CAMTA1: variants seen among roughly 807,000 people sequenced by gnomAD.
CAMTA1 encodes calmodulin binding transcription activator 1.
In CAMTA1, 27 loss-of-function variants were observed where a neutral mutation model predicts 170.9. The ratio of observed to expected loss-of-function variants is 0.16; its 90% confidence interval spans 0.12 to 0.22. CAMTA1 has a LOEUF of 0.22. Among genes scored for constraint, CAMTA1 ranks in the 10% least tolerant of loss-of-function variants. The pLI is 1.00. For synonymous variants in CAMTA1, 833 were observed against 891.5 expected (o/e 0.93, Z 1.17); for missense variants, 1,619 against 2,217.2 (o/e 0.73, Z 5.42).
chr1:7,226,783 A>G (rs1039975846), intron 4 of CAMTA1, among the ~76,000 whole-genome samples: 4 of 152,174 alleles, frequency 2.6e-5, no homozygotes, highest in African/African-American at 9.7e-5. Context: ...CTACTATTCT[A>G]TCAATATCCT....
chr1:6,869,331 A>C (rs993891357), intron 3 of CAMTA1, among the ~76,000 whole-genome samples: 1 of 152,212 alleles, frequency 6.6e-6, no homozygotes, highest in Admixed American at 6.5e-5. Context: ...GAGAGAAGCT[A>C]CTCAGGCCCA....
rs1227601204 is a variant in CAMTA1 at position 7,534,404 on chromosome 1, C to T, written c.510+66503C>T. On this transcript the variant is annotated intron_variant, in intron 6 of 22. Transcript: ENST00000303635. This position sits in a 1 kb window ranked among gnomAD's most constrained non-coding sequence, Gnocchi z 5.6. ...CCACACGGGGAGAGCTTGCTGCAGA[C>T]CCGGGGAGGAGAAGCCACTGTGGAT... Among the ~76,000 whole-genome samples the T allele has an allele frequency of 6.6e-6, 1 of 152,158 alleles. No homozygotes were observed. Among genetic ancestry groups the T allele is most frequent in the African/African-American group, 2.4e-5 (1 of 41,432 alleles).
chr1:6,809,735 C>T (rs568494386), intron 1 of CAMTA1, among the ~76,000 whole-genome samples: 6 of 151,836 alleles, frequency 4.0e-5, no homozygotes, highest in African/African-American at 1.5e-4. Context: ...GGGGAGAGAA[C>T]CAGTAGAGGC....
Position 7,300,096 on chromosome 1 carries a change from T to A in CAMTA1, c.438+50470T>A, listed in dbSNP as rs971506582. Among the ~76,000 whole-genome samples, 1 of 152,208 alleles carries A rather than the reference T, an allele frequency of 6.6e-6. No homozygotes were observed. The highest frequency in any genetic ancestry group is 2.4e-5 in the African/African-American group (1 of 41,470). On this transcript the variant is annotated intron_variant, in intron 5 of 22. Transcript: ENST00000303635. The surrounding 1 kb of genome is among the most constrained non-coding windows in gnomAD (Gnocchi z 4.1). ...TAGAATCAAGCAGCTTCTGTATAAT[T>A]TGAATTTGAGATAGCATTCTTAAAA...
intron 5 of CAMTA1, among the ~76,000 whole-genome samples, chr1:7,427,091 C>CGAG (rs1292437037): frequency 6.6e-6 from 1 of 152,082 alleles, no homozygotes; most frequent in Non-Finnish European, 1.5e-5. Flanking sequence ...CAAGGACAAG[C>CGAG]GAGGCCTCCA....
At chr1:7,545,023 C>T (rs532667675) in intron 6 of CAMTA1, among the ~76,000 whole-genome samples, 6 of 152,250 alleles carry the variant, frequency 3.9e-5, no homozygotes, top group South Asian at 2.1e-4. Flanking sequence ...GCATGGGTTT[C>T]GGCAGTGACA....
At chr1:7,087,254 T>C (rs1266076838) in intron 3 of CAMTA1, among the ~76,000 whole-genome samples, 1 of 152,232 alleles carries the variant, frequency 6.6e-6, no homozygotes, top group Admixed American at 6.5e-5. Context: ...TCTCCCGCTC[T>C]GTGTGTTGCT....
intron 7 of CAMTA1, among the ~76,000 whole-genome samples, chr1:7,646,960 G>A (rs908994195): frequency 3.3e-5 from 5 of 152,242 alleles, no homozygotes; most frequent in Non-Finnish European, 5.9e-5. Context: ...TTCAGCATCT[G>A]TAAGGCAGTG....
intron 3 of CAMTA1, among the ~76,000 whole-genome samples, chr1:6,893,052 C>T (rs1674884298): frequency 6.6e-6 from 1 of 151,492 alleles, no homozygotes; most frequent in Non-Finnish European, 1.5e-5. Context: ...GAGGCCGAGG[C>T]GGGCGGATCA....
chr1:7,420,359 C>T (rs2091479450), intron 5 of CAMTA1, among the ~76,000 whole-genome samples: 1 of 152,130 alleles, frequency 6.6e-6, no homozygotes, highest in Non-Finnish European at 1.5e-5. Context: ...CATTGCTTTT[C>T]TTACCATGTA....
At chr1:7,507,242 C>T (rs989758399) in intron 6 of CAMTA1, among the ~76,000 whole-genome samples, 4 of 152,070 alleles carry the variant, frequency 2.6e-5, no homozygotes, top group South Asian at 2.1e-4. Flanking sequence ...ACAAAACTCA[C>T]GCTCACATAT....
In CAMTA1 at chr1:7,044,016, G is replaced by C. The variant is rs1025883691; in HGVS notation, c.235-47288G>C. Among the ~76,000 whole-genome samples the C allele has an allele frequency of 2.0e-5, 3 of 152,228 alleles. No homozygotes were observed. The highest frequency in any genetic ancestry group is 2.9e-5 in the Non-Finnish European group (2 of 68,040). Reference sequence around the variant, plus strand: ...GATATAGGTCTAGGGGAGGGTGACTGTATTACCTGGATCCTCCAGAGGGCC... The same window carrying C: ...GATATAGGTCTAGGGGAGGGTGACTCTATTACCTGGATCCTCCAGAGGGCC... On this transcript the variant is annotated intron_variant, in intron 3 of 22. Coordinates refer to ENST00000303635, the MANE Select transcript of CAMTA1 (RefSeq NM_015215.4). This position sits in a 1 kb window ranked among gnomAD's most constrained non-coding sequence, Gnocchi z 5.0.
At position 6,887,851 on chromosome 1, in the gene CAMTA1, C is replaced by G; in HGVS notation, c.234+62641C>G. On this transcript the variant is annotated intron_variant, in intron 3 of 22. Coordinates refer to ENST00000303635, the MANE Select transcript of CAMTA1 (RefSeq NM_015215.4). This position sits in a 1 kb window ranked among gnomAD's most constrained non-coding sequence, Gnocchi z 4.1. ...CTCAAAACCCCAAATTAATTTGAAC[C>G]GAATGTTACTAAAAATGAAATAGAA... is the stretch of plus-strand genomic sequence containing the variant. 7 of 1,440,586 alleles carry G rather than the reference C, an allele frequency of 4.9e-6. No individual in the cohort carries two copies. The highest frequency in any genetic ancestry group is 5.1e-5 in the East Asian group (2 of 39,050). The allele number at this position is 1,440,586 out of a possible 1,614,324, so 89.2% of individuals were successfully genotyped here.
chr1:7,637,723 T>C (rs1391549374), intron 6 of CAMTA1, among the ~76,000 whole-genome samples: 2 of 152,198 alleles, frequency 1.3e-5, no homozygotes, highest in African/African-American at 2.4e-5. Flanking sequence ...TGCTGGCACA[T>C]AGCTTTGGGC....
chr1:7,352,355 G>C (rs2084748844), intron 5 of CAMTA1, among the ~76,000 whole-genome samples: 1 of 152,212 alleles, frequency 6.6e-6, no homozygotes, highest in African/African-American at 2.4e-5. Context: ...GTGCAGGTGT[G>C]CCTTGGCACC....
At position 7,380,919 on chromosome 1, in the gene CAMTA1, G is replaced by C. The variant is rs1249218374; in HGVS notation, c.439-86911G>C. Among the ~76,000 whole-genome samples the C allele has an allele frequency of 6.6e-5, 10 of 152,244 alleles. 1 individual carries two copies. In the South Asian group the frequency reaches 1.2e-3, roughly 19 times the overall value. On this transcript the variant is annotated intron_variant, in intron 5 of 22. Transcript: ENST00000303635. Reference sequence around the variant, plus strand: ...GGACAATGAGAGCAGTGGCTAGTTGGAATTTATTGAGCACTCACTCTGAGC... The same window carrying C: ...GGACAATGAGAGCAGTGGCTAGTTGCAATTTATTGAGCACTCACTCTGAGC...
At chr1:7,621,577 G>A (rs2095598542) in intron 6 of CAMTA1, among the ~76,000 whole-genome samples, 1 of 152,208 alleles carries the variant, frequency 6.6e-6, no homozygotes, top group Non-Finnish European at 1.5e-5. Flanking sequence ...AAGTTAATAA[G>A]AAACTAAGAA....
chr1:7,086,600 TAATCTCC>T (rs778402488), intron 3 of CAMTA1, among the ~76,000 whole-genome samples: 9 of 152,176 alleles, frequency 5.9e-5, no homozygotes, highest in Non-Finnish European at 1.0e-4. Context: ...TGGCAACCAC[TAATCTCC>T]ATGCTGTCTC....
intron 22 of CAMTA1, among the ~76,000 whole-genome samples, chr1:7,760,545 G>C (rs1231643471): frequency 6.6e-6 from 1 of 152,196 alleles, no homozygotes; most frequent in Non-Finnish European, 1.5e-5. Context: ...TGTGGGATGT[G>C]TCATCATGGA....
Sources: gnomAD v4.1 joint callset for allele counts (sites outside exome capture counted in the v4.1 genomes callset) on GRCh38, gnomAD v4.1.1 for gene constraint, Gnocchi (gnomAD v3.1) non-coding constraint, MANE v1.5 for transcripts, NCBI Gene and HGNC (gene_info 2026-07-23, HGNC 2026-07-21) for gene names.